RBPJ: variants seen among roughly 807,000 people sequenced by gnomAD.
The protein encoded by RBPJ is recombination signal binding protein for immunoglobulin kappa J region, also known as recombining binding protein suppressor of hairless.
RBPJ carries 9 observed loss-of-function variants against 67.8 expected under a neutral mutation model. That is an observed-to-expected ratio of 0.13 (90% CI 0.08 to 0.23). The LOEUF (loss-of-function observed/expected upper bound fraction) is 0.23, where lower values mean the gene tolerates loss of function less well. Ranked by LOEUF, RBPJ falls within the 10% of genes least tolerant of loss-of-function variation. The pLI is 1.00. For missense variants in RBPJ, 305 were observed against 595.6 expected (o/e 0.51, Z 5.08); for synonymous variants, 198 against 203.3 (o/e 0.97, Z 0.22).
chr4:26,208,781 A>G (rs1207631232), intron 1 of RBPJ, among the ~76,000 whole-genome samples: 2 of 152,170 alleles, frequency 1.3e-5, no homozygotes, highest in African/African-American at 4.8e-5. Flanking sequence ...GTACTCTTAC[A>G]TACATTGTCC....
intron 1 of RBPJ, among the ~76,000 whole-genome samples, chr4:26,259,417 C>A (rs73114525): frequency 2.5e-3 from 386 of 152,276 alleles, no homozygotes; most frequent in African/African-American, 9.0e-3. Flanking sequence ...ATGACCTTTG[C>A]TCTTGATTAG....
chr4:26,405,440 C>CT (rs1200954469), intron 2 of RBPJ, among the ~76,000 whole-genome samples: 13 of 152,018 alleles, frequency 8.6e-5, no homozygotes, highest in Admixed American at 5.2e-4. Context: ...TATAATATTG[C>CT]TTAGCAAAAC....
chr4:26,277,544 GA>G (rs932915227), intron 1 of RBPJ, among the ~76,000 whole-genome samples: 2 of 152,348 alleles, frequency 1.3e-5, no homozygotes, highest in African/African-American at 4.8e-5. Context: ...GTTTTGTAGG[GA>G]AAGTGCCAAC....
chr4:26,147,800 A>G, the RBPJ span, among the ~76,000 whole-genome samples: 1 of 152,164 alleles, frequency 6.6e-6, no homozygotes, highest in African/African-American at 2.4e-5. Context: ...AAATAAGAGT[A>G]AACATACAGA....
rs1459866524 is a variant in RBPJ, at chr4:26,433,564, G to A, written c.*2557G>A. 1 of 151,894 alleles carries A rather than the reference G, an allele frequency of 6.6e-6. No homozygotes were observed. The highest frequency in any genetic ancestry group is 1.5e-5 in the Non-Finnish European group (1 of 67,982). The allele number at this position is 151,894 out of a possible 1,614,324, so 9.4% of individuals were successfully genotyped here. On this transcript the variant is annotated 3_prime_UTR_variant, in exon 11 of 11. Transcript: ENST00000355476. ...TGTTTTATTTTGATAGTTTCTTTCCGTAAGATAATTGAAATATTATACTGT... is the reference window on the plus strand; with the variant it reads ...TGTTTTATTTTGATAGTTTCTTTCCATAAGATAATTGAAATATTATACTGT...
intron 1 of RBPJ, among the ~76,000 whole-genome samples, chr4:26,296,572 A>G (rs886184569): frequency 4.6e-5 from 7 of 152,238 alleles, no homozygotes; most frequent in African/African-American, 1.2e-4. Context: ...ACTATTAAAT[A>G]TCTTATTCTT....
the RBPJ span, among the ~76,000 whole-genome samples, chr4:26,108,523 A>G: frequency 2.0e-5 from 3 of 151,996 alleles, no homozygotes; most frequent in Non-Finnish European, 2.9e-5. Context: ...ATAAACCCTC[A>G]CTCCACCACT....
intron 1 of RBPJ, among the ~76,000 whole-genome samples, chr4:26,383,227 T>C (rs1730499515): frequency 6.6e-6 from 1 of 152,094 alleles, no homozygotes; most frequent in Non-Finnish European, 1.5e-5. Context: ...CTAATGGGCA[T>C]TTCCAAAAAA....
chr4:26,231,004 A>G (rs1486512776), intron 1 of RBPJ, among the ~76,000 whole-genome samples: 2 of 152,208 alleles, frequency 1.3e-5, no homozygotes, highest in African/African-American at 4.8e-5. Flanking sequence ...AACATCAAAC[A>G]AGGAAACGCA....
intron 1 of RBPJ, among the ~76,000 whole-genome samples, chr4:26,323,120 A>G (rs1723262218): frequency 6.6e-6 from 1 of 151,736 alleles, no homozygotes; most frequent in African/African-American, 2.4e-5. Context: ...TTGAGTTTTA[A>G]TTAATGGAAA....
At position 26,431,281 on chromosome 4, in the gene RBPJ, G is replaced by T. The variant is rs1377446040; in HGVS notation, c.*274G>T. ...AGCTGTTTTGTTGGTTGGTTGGTTG[G>T]TTTTTGTTTGGTTTTGTTTAAATGG... is the stretch of plus-strand genomic sequence containing the variant. On this transcript the variant is annotated 3_prime_UTR_variant, in exon 11 of 11. Transcript: ENST00000355476. 6.2e-6 allele frequency: 2 copies of T among 323,298 alleles called. No individual in the cohort carries two copies. Among genetic ancestry groups the T allele is most frequent in the Admixed American group, 9.1e-5 (2 of 22,072 alleles). 20.0% of individuals were successfully genotyped at this position (323,298 alleles called of 1,614,324 possible). A position where few individuals can be genotyped will look rare whatever the true frequency, so the allele number is the denominator to read the frequency against.
intron 1 of RBPJ, among the ~76,000 whole-genome samples, chr4:26,241,041 C>T (rs1560224264): frequency 6.6e-6 from 1 of 151,744 alleles, no homozygotes; most frequent in East Asian, 1.9e-4. Flanking sequence ...CCCGTTTCTA[C>T]AAAAAATTAG....
chr4:26,370,846 C>T (rs893826719), intron 1 of RBPJ, among the ~76,000 whole-genome samples: 1 of 151,930 alleles, frequency 6.6e-6, no homozygotes, highest in South Asian at 2.1e-4. Flanking sequence ...TTTGGGAGAC[C>T]GAGGCCGGCA....
chr4:26,158,945 T>TTCTC (rs5856933), upstream of RBPJ, among the ~76,000 whole-genome samples: 11,945 of 136,584 alleles, frequency 0.087, 695 homozygotes, highest in Middle Eastern at 0.11. Context: ...CTCTCTCTCT[T>TTCTC]TCTCTCTCTC....
At chr4:26,151,682 G>T in the RBPJ span, among the ~76,000 whole-genome samples, 1 of 152,178 alleles carries the variant, frequency 6.6e-6, no homozygotes, top group African/African-American at 2.4e-5. Context: ...ACAGCCTTCC[G>T]ACTACCCAGT....
chr4:26,210,814 C>CTTTCTTT, intron 1 of RBPJ, among the ~76,000 whole-genome samples: 2 of 52,402 alleles, frequency 3.8e-5, no homozygotes, highest in East Asian at 8.0e-4. Context: ...TTTCTTTTCT[C>CTTTCTTT]CTGTGTGTCT....
intron 1 of RBPJ, among the ~76,000 whole-genome samples, chr4:26,360,203 A>G (rs1468693032): frequency 6.6e-6 from 1 of 152,246 alleles, no homozygotes; most frequent in Admixed American, 6.5e-5. Flanking sequence ...AAAATTGGAT[A>G]TACCAAAAAT....
intron 1 of RBPJ, among the ~76,000 whole-genome samples, chr4:26,346,879 C>T (rs1224642039): frequency 6.6e-6 from 1 of 151,932 alleles, no homozygotes; most frequent in African/African-American, 2.4e-5. Context: ...GTAGTCCCAG[C>T]TACTTGGGAG....
intron 1 of RBPJ, among the ~76,000 whole-genome samples, chr4:26,192,650 A>C (rs1717609238): frequency 6.6e-6 from 1 of 152,238 alleles, no homozygotes; most frequent in Non-Finnish European, 1.5e-5. Context: ...AAGTGAACAG[A>C]GACCAGTGGG....
Sources: gnomAD v4.1 joint callset for allele counts (sites outside exome capture counted in the v4.1 genomes callset) on GRCh38, gnomAD v4.1.1 for gene constraint, MANE v1.5 for transcripts, NCBI Gene and HGNC (gene_info 2026-07-23, HGNC 2026-07-21) for gene names.